Variants in PTPRM observed in about 807,000 individuals in gnomAD.
PTPRM encodes protein tyrosine phosphatase receptor type M, also known as receptor-type tyrosine-protein phosphatase mu.
A neutral mutation model predicts 186.7 loss-of-function variants in PTPRM; 47 were observed. The ratio of observed to expected loss-of-function variants is 0.25; its 90% confidence interval spans 0.20 to 0.32. PTPRM has a LOEUF of 0.32. PTPRM is among the 10% of genes least tolerant of loss of function. The pLI is 1.00. For synonymous variants in PTPRM, 668 were observed against 674.9 expected, an observed-to-expected ratio of 0.99 and a Z score of 0.16; for missense variants, 1,494 against 1,865.0, an observed-to-expected ratio of 0.80 and a Z score of 3.66.
At chr18:7,593,797 G>T (rs1021525686) in intron 1 of PTPRM, among the ~76,000 whole-genome samples, 5 of 152,152 alleles carry the variant, frequency 3.3e-5, no homozygotes, top group Non-Finnish European at 7.3e-5. Flanking sequence ...ATGCTTTACA[G>T]ATTTCAGCTT....
intron 1 of PTPRM, among the ~76,000 whole-genome samples, chr18:7,704,486 G>T (rs2040032979): frequency 6.6e-6 from 1 of 152,050 alleles, no homozygotes; most frequent in Non-Finnish European, 1.5e-5. Context: ...TTCTCTGATG[G>T]TAGTTTGTAT....
intron 14 of PTPRM, among the ~76,000 whole-genome samples, chr18:8,186,325 CAAAAAAAAAA>C (rs5822996): frequency 0.021 from 1,963 of 94,798 alleles, 36 homozygotes; most frequent in African/African-American, 0.07. Context: ...TACTCCATCT[CAAAAAAAAAA>C]AAAAAAAAAA....
At chr18:7,598,113 G>A (rs2037311897) in intron 1 of PTPRM, among the ~76,000 whole-genome samples, 1 of 152,118 alleles carries the variant, frequency 6.6e-6, no homozygotes, top group East Asian at 1.9e-4. Context: ...AATTTAAAAA[G>A]CTATGTATTT....
At chr18:7,776,916 T>G (rs2042613001) in intron 2 of PTPRM, among the ~76,000 whole-genome samples, 1 of 152,212 alleles carries the variant, frequency 6.6e-6, no homozygotes, top group African/African-American at 2.4e-5. Flanking sequence ...TAAACTGAGT[T>G]TCCAATATGT....
At chr18:7,965,762 G>A (rs1442858357) in intron 7 of PTPRM, among the ~76,000 whole-genome samples, 3 of 152,164 alleles carry the variant, frequency 2.0e-5, no homozygotes, top group African/African-American at 7.2e-5. Context: ...GACCTCATAT[G>A]TCCTGTGTAC....
intron 14 of PTPRM, among the ~76,000 whole-genome samples, chr18:8,191,526 C>G (rs562635411): frequency 6.6e-6 from 1 of 152,288 alleles, no homozygotes; most frequent in Admixed American, 6.5e-5. Flanking sequence ...GTGCAAATGA[C>G]TGTACATGGA....
In PTPRM at chr18:7,819,972, A is replaced by C. The variant is rs571667969; in HGVS notation, c.196+45701A>C. ...GAGGCAGCCAGGAGCCATTGAAGTG[A>C]TACATAAAGTGGATGGTCTCATGTT... On this transcript the variant is annotated intron_variant, in intron 2 of 32. Coordinates refer to ENST00000580170, the MANE Select transcript of PTPRM (RefSeq NM_001105244.2). Among the ~76,000 whole-genome samples, 12 of 152,350 alleles carry C rather than the reference A, an allele frequency of 7.9e-5. No homozygotes were observed. In the East Asian group the frequency reaches 2.1e-3, roughly 27 times the overall value.
At chr18:7,691,214 C>CA (rs1486311046) in intron 1 of PTPRM, among the ~76,000 whole-genome samples, 1 of 151,940 alleles carries the variant, frequency 6.6e-6, no homozygotes, top group African/African-American at 2.4e-5. Flanking sequence ...ATATTGGAAG[C>CA]AAAAATTCCA....
chr18:8,240,777 G>GGGGAGA (rs2094420000), intron 14 of PTPRM, among the ~76,000 whole-genome samples: 1 of 57,366 alleles, frequency 1.7e-5, no homozygotes, highest in South Asian at 8.0e-4. Flanking sequence ...AGAGAGAGAG[G>GGGGAGA]GAGAGAGAGA....
intron 4 of PTPRM, among the ~76,000 whole-genome samples, chr18:7,921,379 GA>G (rs2050852867): frequency 1.5e-5 from 2 of 137,256 alleles, no homozygotes; most frequent in East Asian, 4.9e-4. Flanking sequence ...AGCCTCTAAT[GA>G]ATTTTTTTTT....
At position 7,957,473 on chromosome 18, in the gene PTPRM, G is replaced by A. The variant is rs139871040; in HGVS notation, c.1132+2059G>A. On this transcript the variant is annotated intron_variant, in intron 7 of 32. Transcript: ENST00000580170. ...CACCTAAACCAGGAAGCCTAATGAC[G>A]ATGCGCCCTTTCCTCTTAACTGTTT... Among the ~76,000 whole-genome samples the A allele has an allele frequency of 8.2e-3, 1,245 of 152,290 alleles. 7 individuals carry two copies. Among genetic ancestry groups the A allele is most frequent in the South Asian group, 0.033 (161 of 4,826 alleles).
At chr18:8,276,161 C>G (rs2094832654) in intron 19 of PTPRM, among the ~76,000 whole-genome samples, 1 of 152,022 alleles carries the variant, frequency 6.6e-6, no homozygotes, top group Admixed American at 6.6e-5. Context: ...CCCACCCAAC[C>G]CATCCATCCC....
intron 14 of PTPRM, among the ~76,000 whole-genome samples, chr18:8,238,682 T>TTTTTTA: frequency 7.6e-6 from 1 of 132,432 alleles, no homozygotes; most frequent in Admixed American, 7.9e-5. Context: ...TTTTTTTTTT[T>TTTTTTA]TTGCGAAGCT....
chr18:7,821,775 A>AG (rs2045211370), intron 2 of PTPRM, among the ~76,000 whole-genome samples: 2 of 152,186 alleles, frequency 1.3e-5, no homozygotes, highest in African/African-American at 4.8e-5. Flanking sequence ...CTGGCTACTA[A>AG]GTGATTTGTG....
At chr18:8,087,995 A>G (rs1045020105) in intron 10 of PTPRM, among the ~76,000 whole-genome samples, 1 of 152,182 alleles carries the variant, frequency 6.6e-6, no homozygotes, top group African/African-American at 2.4e-5. Context: ...AACTGGCCTT[A>G]GAAATAGGAT....
At chr18:8,276,601 C>T (rs2094838343) in intron 19 of PTPRM, among the ~76,000 whole-genome samples, 1 of 152,196 alleles carries the variant, frequency 6.6e-6, no homozygotes, top group African/African-American at 2.4e-5. Flanking sequence ...AGCATCAGCA[C>T]AGCCCTCCTC....
chr18:8,093,408 C>A (rs1214042179), intron 11 of PTPRM, among the ~76,000 whole-genome samples: 1 of 152,172 alleles, frequency 6.6e-6, no homozygotes, highest in Non-Finnish European at 1.5e-5. Context: ...ATAAGACCAG[C>A]CCTGGTCCTC....
chr18:7,731,085 G>C (rs1457892815), intron 1 of PTPRM, among the ~76,000 whole-genome samples: 3 of 152,194 alleles, frequency 2.0e-5, no homozygotes, highest in Non-Finnish European at 4.4e-5. Context: ...CTGTACTCCA[G>C]AGTGAATTAA....
At chr18:7,932,122 G>T (rs891676674) in intron 5 of PTPRM, among the ~76,000 whole-genome samples, 1 of 152,158 alleles carries the variant, frequency 6.6e-6, no homozygotes, top group Non-Finnish European at 1.5e-5. Flanking sequence ...AAATACAAAG[G>T]TTCTGCCTCC....
Sources: allele counts gnomAD v4.1 joint callset (sites outside exome capture counted in the v4.1 genomes callset), GRCh38; gene constraint gnomAD v4.1.1; transcripts MANE v1.5; gene names NCBI Gene and HGNC (gene_info 2026-07-23, HGNC 2026-07-21).